AKAP8: variants seen among roughly 807,000 people sequenced by gnomAD.
AKAP8 encodes A-kinase anchor protein 8.
A neutral mutation model predicts 67.5 loss-of-function variants in AKAP8; 24 were observed. That is an observed-to-expected ratio of 0.36 (90% CI 0.26 to 0.50). The LOEUF is 0.50. AKAP8 is among the 20% of genes least tolerant of loss of function. AKAP8 has a pLI of 0.97. For missense variants in AKAP8, 971 were observed against 955.9 expected, an observed-to-expected ratio of 1.02 and a Z score of -0.21; for synonymous variants, 400 against 371.1, an observed-to-expected ratio of 1.08 and a Z score of -0.90.
chr19:15,372,991 T>G lies in AKAP8; in HGVS notation c.721A>C (p.Ser241Arg). 1 of 1,566,586 alleles carries G rather than the reference T, an allele frequency of 6.4e-7. No individual in the cohort carries two copies. Among genetic ancestry groups the G allele is most frequent in the African/African-American group, 1.4e-5 (1 of 73,716 alleles). Residue 241 changes from serine to arginine, a missense_variant, in exon 5 of 14, where the codon AGC becomes CGC. This residue lies in a region of AKAP8 where 763 missense variants were observed against 745.4 expected (regional missense o/e 1.02). Coordinates refer to ENST00000269701, the MANE Select transcript of AKAP8 (RefSeq NM_005858.4). ...GGRGLGGPSP[S>R]RPPPSLFSQS... Reference sequence around the variant, plus strand: ...GAGAAGAGGGACGGAGGTGGCCGGCTGGGGGAGGGCCCTCCCAGGCCCCGT... The same window carrying G: ...GAGAAGAGGGACGGAGGTGGCCGGCGGGGGGAGGGCCCTCCCAGGCCCCGT...
In AKAP8 at chr19:15,354,899, A is replaced by C; in HGVS notation, c.*16T>G. 6.2e-7 allele frequency: 1 copy of C among 1,610,676 alleles called. No homozygotes were observed. Among genetic ancestry groups the C allele is most frequent in the South Asian group, 1.1e-5 (1 of 91,062 alleles). ...TCCATCATCCCAACGCCTTCCCTGG[A>C]ACAGGGAAATGAGCATCATTCTGTG... On this transcript the variant is annotated 3_prime_UTR_variant, in exon 14 of 14. Coordinates refer to ENST00000269701, the MANE Select transcript of AKAP8 (RefSeq NM_005858.4).
rs962097036 is a variant in AKAP8, at chr19:15,369,745, C to T, written c.1072+401G>A. The stretch of plus-strand genomic sequence containing the variant: ...GGCCCACAGCACAGCCCAGGGCAGG[C>T]GACTGAAGGAACTGGACAAAAGGAA... On this transcript the variant is annotated intron_variant, in intron 8 of 13. Coordinates refer to ENST00000269701, the MANE Select transcript of AKAP8 (RefSeq NM_005858.4). This position sits in a 1 kb window ranked among gnomAD's most constrained non-coding sequence, Gnocchi z 4.6. Among the ~76,000 whole-genome samples, 4 of 152,306 alleles carry T rather than the reference C, an allele frequency of 2.6e-5. No homozygotes were observed. Among genetic ancestry groups the T allele is most frequent in the East Asian group, 1.9e-4 (1 of 5,182 alleles).
At chr19:15,361,287 G>A (rs1179464329) in intron 11 of AKAP8, among the ~76,000 whole-genome samples, 1 of 150,904 alleles carries the variant, frequency 6.6e-6, no homozygotes, top group Non-Finnish European at 1.5e-5. Flanking sequence ...CATTGCTGCT[G>A]AGCGCTCTTC....
Position 15,373,218 on chromosome 19 carries a change from C to A in AKAP8, c.494G>T (p.Ser165Ile). The A allele has an allele frequency of 6.2e-7, 1 of 1,613,950 alleles. No homozygotes were observed. Among genetic ancestry groups the A allele is most frequent in the Non-Finnish European group, 8.5e-7 (1 of 1,180,018 alleles). The change falls in exon 5 of 14, where the codon AGC (serine) becomes ATC (isoleucine). Residue 165 changes from serine (S) to isoleucine (I), a missense_variant. Physicochemically the swap from Ser to Ile is moderately radical, Grantham distance 142. Coordinates refer to ENST00000269701, the MANE Select transcript of AKAP8 (RefSeq NM_005858.4). Reference protein sequence around the residue: ...EFDLGSDRNGSFGGQYSECRD... With the variant: ...EFDLGSDRNGIFGGQYSECRD... ...GCATTCACTGTACTGCCCCCCAAAG[C>A]TGCCATTGCGGTCGGACCCCAGGTC...
rs750317687 is a variant in AKAP8 at position 15,373,323 on chromosome 19, G to A, written c.389C>T (p.Pro130Leu). 45 of 1,608,792 alleles carry A rather than the reference G, an allele frequency of 2.8e-5. No individual in the cohort carries two copies. The Middle Eastern group carries it at 8.3e-4, about 30-fold the overall frequency. ...GGGCCTGGAGTCATAGGACTCGAAC[G>A]GCTGGAAGCGGAAGGAGCTGCAACA... Reference protein sequence around the residue: ...QDRESSFRFQPFESYDSRPCL... With the variant: ...QDRESSFRFQLFESYDSRPCL... The change falls in exon 5 of 14, where the codon CCG becomes CTG. Residue 130 changes from proline (P) to leucine (L), a missense_variant. By Grantham distance (98) the Pro-to-Leu change is moderately conservative. Around this residue, in one of 3 missense-constraint regions of AKAP8, gnomAD observed 763 missense variants for 745.4 expected, o/e 1.02. Transcript: ENST00000269701.
chr19:15,354,551 TA>T lies in AKAP8; in HGVS notation c.*363del, dbSNP rs543269930. On this transcript the variant is annotated 3_prime_UTR_variant, in exon 14 of 14. Coordinates refer to ENST00000269701, the MANE Select transcript of AKAP8 (RefSeq NM_005858.4). ...TAGTATTCAGCTGTTCCCAACCAAATAAAAAAAAAAATTAAGGAAAAAAATA... is the reference window on the plus strand; with the variant it reads ...TAGTATTCAGCTGTTCCCAACCAAATAAAAAAAAAATTAAGGAAAAAAATA... 7.9e-3 allele frequency: 1,593 copies of T among 202,268 alleles called. No homozygotes were observed. The highest frequency in any genetic ancestry group is 0.015 in the South Asian group (150 of 10,202). 12.5% of individuals were successfully genotyped at this position (202,268 alleles called of 1,614,324 possible).
At chr19:15,363,455 G>A (rs1967012398) in intron 9 of AKAP8, among the ~76,000 whole-genome samples, 2 of 145,428 alleles carry the variant, frequency 1.4e-5, no homozygotes, top group African/African-American at 2.5e-5. Context: ...CCCCCTGCCC[G>A]GCCAGCCGCC....
chr19:15,359,103 G>C lies in AKAP8; in HGVS notation c.1528-41C>G, dbSNP rs1397021055. 1.9e-6 allele frequency: 3 copies of C among 1,569,224 alleles called. No homozygotes were observed. The African/African-American group carries it at 4.1e-5, about 21-fold the overall frequency. On this transcript the variant is annotated intron_variant, in intron 12 of 13. Transcript: ENST00000269701. ...AATGTGAGCTCTTAAAAATGGCAAA[G>C]ATTAAGGAAGAGAATAAACCAGCCA...
chr19:15,364,876 C>A (rs528189309), intron 9 of AKAP8, among the ~76,000 whole-genome samples: 10 of 152,340 alleles, frequency 6.6e-5, no homozygotes, highest in South Asian at 4.1e-4. Flanking sequence ...ACCTCAGCCT[C>A]CCAAGTAGCT....
At chr19:15,365,592 A>G (rs1337613515) in intron 9 of AKAP8, among the ~76,000 whole-genome samples, 1 of 152,228 alleles carries the variant, frequency 6.6e-6, no homozygotes, top group East Asian at 1.9e-4. Context: ...CCGCTTCTGC[A>G]GACAGCCCCT....
At chr19:15,372,425 T>G in intron 5 of AKAP8, 78 bp from the exon 6 acceptor site, 6 of 1,572,918 alleles carry the variant, frequency 3.8e-6, no homozygotes, top group Non-Finnish European at 5.2e-6. Context: ...AAGGAGGTTG[T>G]AGGATCAGAC....
intron 9 of AKAP8, among the ~76,000 whole-genome samples, chr19:15,363,418 G>A (rs1162932725): frequency 2.9e-5 from 4 of 137,874 alleles, no homozygotes; most frequent in African/African-American, 5.5e-5. Flanking sequence ...GCCTCTGCCC[G>A]GCCGCCCCTA....
intron 12 of AKAP8, among the ~76,000 whole-genome samples, chr19:15,359,298 C>T (rs181226118): frequency 6.6e-6 from 1 of 152,340 alleles, no homozygotes; most frequent in East Asian, 1.9e-4. Context: ...ACCCATGTAG[C>T]ACATGCAGAA....
chr19:15,375,901 A>G (rs1431723503), intron 2 of AKAP8, among the ~76,000 whole-genome samples: 1 of 150,280 alleles, frequency 6.7e-6, no homozygotes, highest in African/African-American at 2.5e-5. Context: ...GCCTCCCAAA[A>G]TGCTGGGATT....
intron 2 of AKAP8, among the ~76,000 whole-genome samples, chr19:15,375,927 C>T (rs1487320166): frequency 5.3e-5 from 8 of 151,538 alleles, no homozygotes; most frequent in African/African-American, 1.5e-4. Flanking sequence ...CGTGAGCCAC[C>T]GTGCCTGGCC....
Position 15,355,057 on chromosome 19 carries a change from G to C in AKAP8, c.1937C>G (p.Ala646Gly). The C allele has an allele frequency of 6.2e-7, 1 of 1,614,094 alleles. No individual in the cohort carries two copies. The highest frequency in any genetic ancestry group is 8.5e-7 in the Non-Finnish European group (1 of 1,180,036). ...EKGVPKARSE[A>G]AEAGNGAETM... ...CTCGGCGCCATTTCCAGCCTCTGCA[G>C]CCTCACTTCTGGCCTTGGGGACGCC... is the stretch of plus-strand genomic sequence containing the variant. Residue 646 changes from alanine to glycine, a missense_variant, in exon 14 of 14, where the codon GCT (alanine) becomes GGT (glycine). Ala to Gly is a moderately conservative substitution (Grantham distance 60). Coordinates refer to ENST00000269701, the MANE Select transcript of AKAP8 (RefSeq NM_005858.4).
intron 1 of AKAP8, among the ~76,000 whole-genome samples, chr19:15,377,891 T>A (rs968314477): frequency 6.6e-6 from 1 of 152,192 alleles, no homozygotes; most frequent in Non-Finnish European, 1.5e-5. Flanking sequence ...CTATGGCATC[T>A]GTCTGGTCCC....
chr19:15,379,617 C>G, intron 1 of AKAP8, 96 bp downstream of exon 1: 1 of 1,445,994 alleles, frequency 6.9e-7, no homozygotes, highest in Non-Finnish European at 9.3e-7. Context: ...CAACCACGCT[C>G]GGGACGAAGG....
At chr19:15,361,694 T>C (rs1177668388) in intron 11 of AKAP8, 35 bp downstream of exon 11, 1 of 1,567,332 alleles carries the variant, frequency 6.4e-7, no homozygotes, top group Non-Finnish European at 8.8e-7. Context: ...CTTACTACCA[T>C]CCAGGAAAGC....
Sources: gnomAD v4.1 joint callset for allele counts (sites outside exome capture counted in the v4.1 genomes callset) on GRCh38, gnomAD v4.1.1 for gene constraint, gnomAD v4.1.1 regional missense constraint, Gnocchi (gnomAD v3.1) non-coding constraint, MANE v1.5 for transcripts, NCBI Gene and HGNC (gene_info 2026-07-23, HGNC 2026-07-21) for gene names.